Variants in KPNA7 observed in about 807,000 individuals in gnomAD.
KPNA7 encodes the protein karyopherin subunit alpha 7.
A neutral mutation model predicts 53.7 loss-of-function variants in KPNA7; 54 were observed. That is an observed-to-expected ratio of 1.01 (90% CI 0.81 to 1.26). KPNA7 has a LOEUF of 1.26. KPNA7 is among the 50% of genes most tolerant of loss of function. KPNA7 has a pLI of 0.00. For synonymous variants in KPNA7, 276 were observed against 259.3 expected (o/e 1.06, Z -0.62); for missense variants, 640 against 644.5 (o/e 0.99, Z 0.07).
intron 8 of KPNA7, among the ~76,000 whole-genome samples, chr7:99,184,169 T>TA (rs1440960780): frequency 6.6e-6 from 1 of 151,078 alleles, no homozygotes; most frequent in Non-Finnish European, 1.5e-5. Context: ...TTTTTTTTTT[T>TA]TTTGAGACAG....
At chr7:99,208,870 T>C (rs1480821751), upstream of KPNA7, among the ~76,000 whole-genome samples, 1 of 152,136 alleles carries the variant, frequency 6.6e-6, no homozygotes, top group Non-Finnish European at 1.5e-5. Flanking sequence ...AAGCCTTTCA[T>C]GCCAGGTGCA....
chr7:99,173,846 C>A, intron 10 of KPNA7, 52 bp from the exon 11 acceptor site: 1 of 1,107,006 alleles, frequency 9.0e-7, no homozygotes, highest in South Asian at 1.4e-5. Flanking sequence ...AGCACATTAT[C>A]ACTGCACATT....
At chr7:99,180,145 G>A (rs766088436) in intron 9 of KPNA7, among the ~76,000 whole-genome samples, 3 of 152,168 alleles carry the variant, frequency 2.0e-5, no homozygotes, top group African/African-American at 7.2e-5. Flanking sequence ...CACTCAGGCA[G>A]CCCAATGGAG....
the KPNA7 span, among the ~76,000 whole-genome samples, chr7:99,158,556 T>C: frequency 3.9e-4 from 59 of 152,124 alleles, no homozygotes; most frequent in Non-Finnish European, 7.9e-4. Context: ...CAGGCTGGAG[T>C]GCAGTGGCAC....
In KPNA7 at chr7:99,203,112, C is replaced by T. The variant is rs1790629932; in HGVS notation, c.195G>A (p.Gly65=). 6.4e-6 allele frequency: 10 copies of T among 1,551,486 alleles called. No homozygotes were observed. The East Asian group carries it at 1.7e-4, about 27-fold the overall frequency. The change falls in exon 3 of 11, where the codon GGG becomes GGA. Residue 65 remains glycine, a synonymous_variant. Transcript: ENST00000327442. ...PDTPSEKTAK[G]VAVSLTLGEI... is the part of the protein sequence containing the mutation. ...CTAAACACTACATACTGACCGCCAC[C>T]CCTTTGGCTGTTTTTTCAGAAGGTG...
At chr7:99,188,669 G>A (rs1789769985) in intron 6 of KPNA7, 106 bp from the exon 7 acceptor site, 1 of 1,180,074 alleles carries the variant, frequency 8.5e-7, no homozygotes, top group Non-Finnish European at 1.2e-6. Flanking sequence ...GCATGAACCA[G>A]AGCTTTTTAA....
downstream of KPNA7, among the ~76,000 whole-genome samples, chr7:99,170,460 G>C (rs562603230): frequency 5.9e-3 from 176 of 29,778 alleles, no homozygotes; most frequent in Admixed American, 0.033. Context: ...GAGAGGATCC[G>C]TTTCAGTGGG....
intron 8 of KPNA7, 92 bp downstream of exon 8, chr7:99,184,836 TG>T (rs1356215717): frequency 9.6e-7 from 1 of 1,040,666 alleles, no homozygotes; most frequent in African/African-American, 1.6e-5. Context: ...GATCTCAATT[TG>T]CTTCTGCACC....
At chr7:99,180,598 CGT>C (rs1491215062) in intron 9 of KPNA7, among the ~76,000 whole-genome samples, 5 of 132,314 alleles carry the variant, frequency 3.8e-5, no homozygotes, top group Non-Finnish European at 6.5e-5. Flanking sequence ...TCCGTCTCTC[CGT>C]CTCTGTCTCT....
At chr7:99,148,596 T>G in the KPNA7 span, among the ~76,000 whole-genome samples, 3 of 152,024 alleles carry the variant, frequency 2.0e-5, no homozygotes, top group African/African-American at 4.8e-5. Flanking sequence ...AATAACTCCT[T>G]ATTTATTCTT....
At chr7:99,148,019 T>TAA in the KPNA7 span, among the ~76,000 whole-genome samples, 14 of 141,540 alleles carry the variant, frequency 9.9e-5, no homozygotes, top group African/African-American at 1.8e-4. Flanking sequence ...CCCATGTCTT[T>TAA]AAAAAAAAAA....
the KPNA7 span, among the ~76,000 whole-genome samples, chr7:99,163,359 G>GTGTATATA: frequency 2.9e-4 from 19 of 66,400 alleles, no homozygotes; most frequent in South Asian, 8.5e-4. Flanking sequence ...ATGAGTGTGT[G>GTGTATATA]TATATATATA....
intron 9 of KPNA7, among the ~76,000 whole-genome samples, chr7:99,180,645 CTCTG>C (rs1477312343): frequency 6.7e-6 from 1 of 148,218 alleles, no homozygotes; most frequent in Non-Finnish European, 1.5e-5. Context: ...CTCTCTCCGT[CTCTG>C]TCTCTCTCTC....
intron 4 of KPNA7, 47 bp downstream of exon 4, chr7:99,196,037 C>A: frequency 6.8e-7 from 1 of 1,469,758 alleles, no homozygotes; most frequent in South Asian, 1.2e-5. Context: ...CACTGACGCT[C>A]ATTGCTAACT....
chr7:99,181,872 G>GT lies in KPNA7; in HGVS notation c.1317+10_1317+11insA. On this transcript the variant is annotated intron_variant, in intron 9 of 10. Coordinates refer to ENST00000327442, the MANE Select transcript of KPNA7 (RefSeq NM_001145715.3). ...AGCTATTTACAAACCAACCTGTTCA[G>GT]AACGGCTCACCTGGAGGATGCAAGA... 6.5e-7 allele frequency: 1 copy of GT among 1,531,796 alleles called. No individual in the cohort carries two copies. Among genetic ancestry groups the GT allele is most frequent in the Non-Finnish European group, 8.8e-7 (1 of 1,133,032 alleles). 94.9% of individuals were successfully genotyped at this position (1,531,796 alleles called of 1,614,324 possible).
At chr7:99,152,375 G>GA in the KPNA7 span, among the ~76,000 whole-genome samples, 3 of 147,572 alleles carry the variant, frequency 2.0e-5, no homozygotes, top group Non-Finnish European at 3.0e-5. Context: ...AAAAGAAAAA[G>GA]AAAAAAAGGA....
chr7:99,209,522 A>G (rs377251090), upstream of KPNA7, among the ~76,000 whole-genome samples: 9 of 151,878 alleles, frequency 5.9e-5, no homozygotes, highest in Non-Finnish European at 1.5e-5. Context: ...TGTCTCTACT[A>G]AAAGTACAAA....
downstream of KPNA7, among the ~76,000 whole-genome samples, chr7:99,169,142 G>GACT (rs1364869513): frequency 2.0e-5 from 3 of 151,566 alleles, no homozygotes; most frequent in Admixed American, 6.6e-5. Context: ...GCGACAGAGA[G>GACT]ACTCCCTGTC....
chr7:99,217,414 T>C (rs935674334), intron 1 of KPNA7, among the ~76,000 whole-genome samples: 1 of 152,124 alleles, frequency 6.6e-6, no homozygotes, highest in African/African-American at 2.4e-5. Flanking sequence ...CATGTTGGAT[T>C]CGAGCTAGCG....
Sources: gnomAD v4.1 joint callset for allele counts (sites outside exome capture counted in the v4.1 genomes callset) on GRCh38, gnomAD v4.1.1 for gene constraint, MANE v1.5 for transcripts, NCBI Gene and HGNC (gene_info 2026-07-23, HGNC 2026-07-21) for gene names.